KLF12: variants seen among roughly 807,000 people sequenced by gnomAD.
The protein encoded by KLF12 is Krueppel-like factor 12.
A neutral mutation model predicts 37.8 loss-of-function variants in KLF12; 9 were observed. The observed-to-expected ratio is 0.24, with a 90% confidence interval of 0.14 to 0.42. The LOEUF (loss-of-function observed/expected upper bound fraction) is 0.42, where lower values mean the gene tolerates loss of function less well. KLF12 is among the 10% of genes least tolerant of loss of function. The probability of loss-of-function intolerance (pLI) is 1.00; values close to 1 mark genes in which losing one functional copy is unlikely to be tolerated. For synonymous variants in KLF12, 208 were observed against 202.1 expected (o/e 1.03, Z -0.25); for missense variants, 411 against 516.0 (o/e 0.80, Z 1.97).
intron 3 of KLF12, among the ~76,000 whole-genome samples, chr13:73,939,314 T>G (rs777231899): frequency 8.5e-5 from 13 of 152,236 alleles, no homozygotes; most frequent in Non-Finnish European, 1.5e-4. Context: ...CTTTTCTTTT[T>G]AAAACATTTT....
intron 1 of KLF12, among the ~76,000 whole-genome samples, chr13:74,081,727 T>C: frequency 6.6e-6 from 1 of 152,198 alleles, no homozygotes; most frequent in East Asian, 1.9e-4. Context: ...TATCTTTGCA[T>C]ACAGGCATGG....
At position 73,850,176 on chromosome 13, in the gene KLF12, T is replaced by C. The variant is rs74095857; in HGVS notation, c.124-3803A>G. On this transcript the variant is annotated intron_variant, in intron 3 of 7. Transcript: ENST00000377669. ...AAAGATAAACATAAGGATTATGCTGTCACATTGTCTTTTCTCCAAAAGTCT... is the reference window on the plus strand; with the variant it reads ...AAAGATAAACATAAGGATTATGCTGCCACATTGTCTTTTCTCCAAAAGTCT... Among the ~76,000 whole-genome samples, 163 of 152,334 alleles carry C rather than the reference T, an allele frequency of 1.1e-3. 2 individuals are homozygous for C. Among genetic ancestry groups the C allele is most frequent in the African/African-American group, 3.4e-3 (143 of 41,584 alleles).
At chr13:74,235,834 C>T in the KLF12 span, among the ~76,000 whole-genome samples, 1 of 152,154 alleles carries the variant, frequency 6.6e-6, no homozygotes, top group South Asian at 2.1e-4. Context: ...ATGACAGCAT[C>T]TTAATGGAGG....
intron 7 of KLF12, 73 bp downstream of exon 7, chr13:73,715,295 G>A: frequency 8.1e-6 from 11 of 1,361,016 alleles, no homozygotes; most frequent in Non-Finnish European, 1.1e-5. Flanking sequence ...AGTACGAAAG[G>A]CTCCCGAGGT....
At chr13:74,033,396 C>T (rs1893164727) in intron 1 of KLF12, among the ~76,000 whole-genome samples, 1 of 152,242 alleles carries the variant, frequency 6.6e-6, no homozygotes, top group Non-Finnish European at 1.5e-5. Context: ...AGTTATTTAG[C>T]CCCCTGTTAT....
chr13:73,831,296 T>G (rs1884144422), intron 4 of KLF12, among the ~76,000 whole-genome samples: 1 of 152,186 alleles, frequency 6.6e-6, no homozygotes, highest in East Asian at 1.9e-4. Flanking sequence ...GTACAGAAAG[T>G]GATATGAGTC....
intron 1 of KLF12, among the ~76,000 whole-genome samples, chr13:74,033,694 T>C (rs902335888): frequency 6.6e-5 from 10 of 152,242 alleles, no homozygotes; most frequent in African/African-American, 2.2e-4. Flanking sequence ...ATCTCCCTAT[T>C]ACACATTTTG....
the KLF12 span, among the ~76,000 whole-genome samples, chr13:74,264,640 T>C: frequency 1.3e-5 from 2 of 152,168 alleles, no homozygotes; most frequent in Admixed American, 1.3e-4. Flanking sequence ...TTCCCACTCT[T>C]AAGTCAGTTC....
At chr13:73,831,075 T>A (rs1884132277) in intron 4 of KLF12, among the ~76,000 whole-genome samples, 1 of 151,874 alleles carries the variant, frequency 6.6e-6, no homozygotes, top group Non-Finnish European at 1.5e-5. Flanking sequence ...TAAATTTTAA[T>A]CCTTGTCAAA....
At chr13:73,723,684 T>C (rs1054138410) in intron 6 of KLF12, among the ~76,000 whole-genome samples, 2 of 152,208 alleles carry the variant, frequency 1.3e-5, no homozygotes, top group Non-Finnish European at 1.5e-5. Flanking sequence ...TCTAGAATCA[T>C]GCTAAATTTT....
In KLF12 at chr13:74,035,674, T is replaced by G. The variant is rs111395845; in HGVS notation, c.-31-40621A>C. 5.5e-3 allele frequency among the ~76,000 whole-genome samples: 840 copies of G among 152,284 alleles called. 11 individuals carry two copies. The highest frequency in any genetic ancestry group is 0.019 in the African/African-American group (801 of 41,552). On this transcript the variant is annotated intron_variant, in intron 1 of 7. Coordinates refer to ENST00000377669, the MANE Select transcript of KLF12 (RefSeq NM_007249.5). ...GAATCATAATCATTCTAAAAATTCA[T>G]TTCTGAGGGGTTGAAAGGGGAATGA...
chr13:74,228,243 A>C, the KLF12 span, among the ~76,000 whole-genome samples: 1 of 152,136 alleles, frequency 6.6e-6, no homozygotes, highest in African/African-American at 2.4e-5. Flanking sequence ...GTATGTTAAA[A>C]AATCTGAAAC....
intron 3 of KLF12, among the ~76,000 whole-genome samples, chr13:73,857,521 T>C (rs1885669610): frequency 6.6e-6 from 1 of 152,160 alleles, no homozygotes; most frequent in African/African-American, 2.4e-5. Flanking sequence ...ACTCTTAAGG[T>C]GAAATTATCT....
chr13:74,231,764 T>C, the KLF12 span: 8 of 152,316 alleles, frequency 5.3e-5, no homozygotes, highest in Middle Eastern at 6.8e-3. Context: ...TACGTATCAT[T>C]CAATAGAGAC....
chr13:74,155,518 T>C, the KLF12 span, among the ~76,000 whole-genome samples: 1 of 152,010 alleles, frequency 6.6e-6, no homozygotes, highest in Non-Finnish European at 1.5e-5. Context: ...CCCGCCACCA[T>C]GCCTGGCTAG....
intron 6 of KLF12, among the ~76,000 whole-genome samples, chr13:73,746,594 T>C (rs1566337995): frequency 6.6e-6 from 1 of 152,188 alleles, no homozygotes; most frequent in Admixed American, 6.5e-5. Flanking sequence ...TTCTGAGCAT[T>C]ACTATACTGC....
intron 1 of KLF12, among the ~76,000 whole-genome samples, chr13:74,089,724 A>C (rs982943144): frequency 1.4e-5 from 2 of 146,512 alleles, no homozygotes; most frequent in Admixed American, 1.4e-4. Context: ...TTGACAAAAC[A>C]CCATTTATTG....
At chr13:74,271,909 A>G in the KLF12 span, among the ~76,000 whole-genome samples, 22 of 152,334 alleles carry the variant, frequency 1.4e-4, no homozygotes, top group South Asian at 4.6e-3. Flanking sequence ...GGCAAGGGGC[A>G]AAGAACTCAT....
At chr13:73,890,744 A>G (rs1482201064) in intron 3 of KLF12, among the ~76,000 whole-genome samples, 1 of 152,074 alleles carries the variant, frequency 6.6e-6, no homozygotes, top group Non-Finnish European at 1.5e-5. Flanking sequence ...GATTCCAGTC[A>G]ATCTGAGTCT....
Sources: allele counts gnomAD v4.1 joint callset (sites outside exome capture counted in the v4.1 genomes callset), GRCh38; gene constraint gnomAD v4.1.1; transcripts MANE v1.5; gene names NCBI Gene and HGNC (gene_info 2026-07-23, HGNC 2026-07-21).